Variants in POLR3A observed in about 807,000 individuals in gnomAD.
POLR3A encodes the protein RNA polymerase III subunit A.
In POLR3A, 112 loss-of-function variants were observed where a neutral mutation model predicts 152.8. The observed-to-expected ratio is 0.73, with a 90% confidence interval of 0.63 to 0.86. POLR3A has a LOEUF of 0.86. Ranked by LOEUF, POLR3A falls within the 40% of genes least tolerant of loss-of-function variation. POLR3A has a pLI of 0.00. For synonymous variants in POLR3A, 615 were observed against 652.1 expected, an observed-to-expected ratio of 0.94 and a Z score of 0.87; for missense variants, 1,385 against 1,743.1, an observed-to-expected ratio of 0.79 and a Z score of 3.66.
chr10:77,999,192 C>A (rs1166577343), intron 19 of POLR3A, among the ~76,000 whole-genome samples: 1 of 152,056 alleles, frequency 6.6e-6, no homozygotes, highest in Admixed American at 6.6e-5. Context: ...AGGAGATATA[C>A]CTAATGCTAA....
At chr10:78,008,402 T>C (rs74639710) in intron 14 of POLR3A, among the ~76,000 whole-genome samples, 1 of 151,630 alleles carries the variant, frequency 6.6e-6, no homozygotes, top group Non-Finnish European at 1.5e-5. Flanking sequence ...ATCTGAGGAG[T>C]ATCAGTGCCC....
At chr10:78,028,867 A>G (rs1045140495) in intron 1 of POLR3A, among the ~76,000 whole-genome samples, 8 of 152,090 alleles carry the variant, frequency 5.3e-5, no homozygotes, top group Non-Finnish European at 8.8e-5. Flanking sequence ...TTCTGAAGGC[A>G]AAAGTCCGGA....
chr10:77,982,548 A>G (rs1847157062), intron 27 of POLR3A, 105 bp downstream of exon 27: 1 of 1,083,812 alleles, frequency 9.2e-7, no homozygotes, highest in African/African-American at 1.6e-5. Context: ...AAGGCCAAGA[A>G]GAAATTAAGA....
intron 12 of POLR3A, 131 bp downstream of exon 12, chr10:78,010,340 C>T (rs895499423): frequency 1.3e-5 from 10 of 780,546 alleles, no homozygotes; most frequent in Middle Eastern, 4.7e-4. Context: ...CATGATCAAA[C>T]TTAGTAAACA....
In POLR3A at chr10:78,028,148, A is replaced by G. The variant is rs546032532; in HGVS notation, c.44+1216T>C. Among the ~76,000 whole-genome samples the G allele has an allele frequency of 6.6e-5, 10 of 152,314 alleles. No homozygotes were observed. In the South Asian group the frequency reaches 2.1e-3, roughly 32 times the overall value. ...TCCACCATGAATCAAGAGATTTTCC[A>G]GAAGGAGAACTCTTATCAAGATACT... On this transcript the variant is annotated intron_variant, in intron 1 of 30. Transcript: ENST00000372371.
At position 78,007,759 on chromosome 10, in the gene POLR3A, G is replaced by C. The variant is rs770347365; in HGVS notation, c.2017C>G (p.Gln673Glu). Residue 673 changes from glutamine (Q) to glutamate (E), a missense_variant, in exon 15 of 31, where the codon CAG becomes GAG. Physicochemically the swap from Gln to Glu is conservative, Grantham distance 29. Coordinates refer to ENST00000372371, the MANE Select transcript of POLR3A (RefSeq NM_007055.4). ...GACATGGCATCTGCAGCTTCATTCTGTCCCCAGTCTCGCAGCAAAATGTAA... is the reference window on the plus strand; with the variant it reads ...GACATGGCATCTGCAGCTTCATTCTCTCCCCAGTCTCGCAGCAAAATGTAA... ...IFYILLRDWG[Q>E]NEAADAMSRL... 1.2e-6 allele frequency: 2 copies of C among 1,614,034 alleles called. No homozygotes were observed. Among genetic ancestry groups the C allele is most frequent in the Non-Finnish European group, 1.7e-6 (2 of 1,179,932 alleles).
At chr10:78,003,202 G>GT (rs1202526913) in intron 16 of POLR3A, among the ~76,000 whole-genome samples, 1 of 152,172 alleles carries the variant, frequency 6.6e-6, no homozygotes, top group Non-Finnish European at 1.5e-5. Flanking sequence ...GAGGTCTCAA[G>GT]TAATTTTCTA....
Position 77,981,529 on chromosome 10 carries a change from G to T in POLR3A, c.3790C>A (p.Arg1264=). ...VEKTLGIEAA[R]TTIINEIQYT... ...TGGATTTCATTGATGATCGTTGTCC[G>T]GGCGGCCTCGATGCCCAGAGTTTTC... is the stretch of plus-strand genomic sequence containing the variant. The change falls in exon 29 of 31, where the codon CGG becomes AGG. Residue 1264 remains arginine, a synonymous_variant. Coordinates refer to ENST00000372371, the MANE Select transcript of POLR3A (RefSeq NM_007055.4). 1 of 1,613,980 alleles carries T rather than the reference G, an allele frequency of 6.2e-7. No homozygotes were observed. The highest frequency in any genetic ancestry group is 8.5e-7 in the Non-Finnish European group (1 of 1,179,944).
intron 21 of POLR3A, among the ~76,000 whole-genome samples, chr10:77,989,315 A>G (rs921993492): frequency 1.3e-5 from 2 of 152,226 alleles, no homozygotes; most frequent in Non-Finnish European, 1.5e-5. Context: ...CCTGGGCTCA[A>G]TGCCACTCAG....
At position 78,021,822 on chromosome 10, in the gene POLR3A, G is replaced by A. The variant is rs182738668; in HGVS notation, c.1048+38C>T. On this transcript the variant is annotated intron_variant, in intron 7 of 30. Coordinates refer to ENST00000372371, the MANE Select transcript of POLR3A (RefSeq NM_007055.4). Reference sequence around the variant, plus strand: ...ACACTCCTGAAAAAGGAACCAAAGAGAGTGGGCTGGCTTCTGCACATCTTG... The same window carrying A: ...ACACTCCTGAAAAAGGAACCAAAGAAAGTGGGCTGGCTTCTGCACATCTTG... 2.6e-3 allele frequency: 4,149 copies of A among 1,612,568 alleles called. 114 individuals are homozygous for A. Among genetic ancestry groups the A allele is most frequent in the Non-Finnish European group, 3.1e-4 (369 of 1,179,800 alleles).
chr10:78,006,720 T>G (rs1847415557), intron 15 of POLR3A, among the ~76,000 whole-genome samples: 1 of 152,192 alleles, frequency 6.6e-6, no homozygotes, highest in Non-Finnish European at 1.5e-5. Context: ...ATGAAATTAC[T>G]CAGTGCTTAG....
intron 17 of POLR3A, 148 bp downstream of exon 17, chr10:78,002,049 T>C (rs1295600523): frequency 5.0e-6 from 3 of 601,174 alleles, no homozygotes; most frequent in Non-Finnish European, 8.9e-6. Flanking sequence ...CTTCCCAAAA[T>C]GCAAATAATT....
At chr10:78,001,211 C>T in intron 17 of POLR3A, 117 bp from the exon 18 acceptor site, 1 of 648,312 alleles carries the variant, frequency 1.5e-6, no homozygotes, top group African/African-American at 1.8e-5. Context: ...GGTCATGGTC[C>T]TGGAACAGTA....
At chr10:78,025,996 G>A (rs1847630613) in intron 2 of POLR3A, 98 bp downstream of exon 2, 1 of 1,454,114 alleles carries the variant, frequency 6.9e-7, no homozygotes, top group Admixed American at 1.7e-5. Context: ...GGGGAATTGA[G>A]GAGATGGAAG....
At position 78,025,092 on chromosome 10, in the gene POLR3A, C is replaced by G; in HGVS notation, c.369G>C (p.Lys123Asn). The G allele has an allele frequency of 6.2e-7, 1 of 1,614,114 alleles. No individual in the cohort carries two copies. The highest frequency in any genetic ancestry group is 8.5e-7 in the Non-Finnish European group (1 of 1,179,938). ...CHIMLSQEEK[K>N]QFLDYLKRPG... ...GCCTCTTTAGATAGTCCAGAAACTG[C>G]TTCTTCTCCTCTTGGGACAGCATGA... Residue 123 changes from lysine (K) to asparagine (N), a missense_variant, in exon 4 of 31, where the codon AAG becomes AAC. Lys to Asn is a moderately conservative substitution (Grantham distance 94). Around this residue, in one of 7 missense-constraint regions of POLR3A, gnomAD observed 493 missense variants for 647.5 expected, o/e 0.76. Transcript: ENST00000372371.
At chr10:78,016,366 T>G (rs1332074667) in intron 10 of POLR3A, among the ~76,000 whole-genome samples, 2 of 147,952 alleles carry the variant, frequency 1.4e-5, no homozygotes, top group Non-Finnish European at 3.0e-5. Flanking sequence ...CACAGGAGAT[T>G]GCGACCCATC....
chr10:78,024,306 G>A (rs534805943), intron 5 of POLR3A, among the ~76,000 whole-genome samples: 4 of 150,140 alleles, frequency 2.7e-5, no homozygotes, highest in Admixed American at 6.7e-5. Context: ...ACAGGTTGCA[G>A]TGAACCAAGA....
Position 77,985,998 on chromosome 10 carries a change from A to G in POLR3A, c.2989-13T>C. 6.2e-7 allele frequency: 1 copy of G among 1,613,180 alleles called. No individual in the cohort carries two copies. The highest frequency in any genetic ancestry group is 8.5e-7 in the Non-Finnish European group (1 of 1,179,126). On this transcript the variant is annotated splice_polypyrimidine_tract_variant and intron_variant, in intron 22 of 30. Transcript: ENST00000372371. ...ACAGCACACGGGGCTGGGAGAATACAAGCCAAGCACAGAGTTAGGGCCAGC... is the reference window on the plus strand; with the variant it reads ...ACAGCACACGGGGCTGGGAGAATACGAGCCAAGCACAGAGTTAGGGCCAGC...
chr10:77,982,126 TA>T lies in POLR3A; in HGVS notation c.3759+27del, dbSNP rs779850333. 282 of 1,468,970 alleles carry T rather than the reference TA, an allele frequency of 1.9e-4. 2 individuals carry two copies. Among genetic ancestry groups the T allele is most frequent in the Non-Finnish European group, 2.5e-5 (27 of 1,087,584 alleles). The allele number at this position is 1,468,970 out of a possible 1,614,324, so 91.0% of individuals were successfully genotyped here. ...TGGCACAAGGAAGACAGCCTAACCC[TA>T]AGGCGACCCCGTGGGCTGAGTGGTA... On this transcript the variant is annotated intron_variant, in intron 28 of 30. Coordinates refer to ENST00000372371, the MANE Select transcript of POLR3A (RefSeq NM_007055.4).
Sources: allele counts gnomAD v4.1 joint callset (sites outside exome capture counted in the v4.1 genomes callset), GRCh38; gene constraint gnomAD v4.1.1; regional missense constraint gnomAD v4.1.1; transcripts MANE v1.5; gene names NCBI Gene and HGNC (gene_info 2026-07-23, HGNC 2026-07-21).